Variants in PCCA observed in about 807,000 individuals in gnomAD.
PCCA encodes propionyl-CoA carboxylase alpha chain, mitochondrial.
In PCCA, 74 loss-of-function variants were observed where a neutral mutation model predicts 101.3. The observed-to-expected ratio is 0.73, with a 90% CI of 0.61 to 0.89. The LOEUF is 0.89. PCCA is among the 40% of genes least tolerant of loss of function. The probability of loss-of-function intolerance (pLI) is 0.00; values close to 1 mark genes in which losing one functional copy is unlikely to be tolerated. For missense variants in PCCA, 891 were observed against 907.0 expected, an observed-to-expected ratio of 0.98 and a Z score of 0.23; for synonymous variants, 294 against 313.6, an observed-to-expected ratio of 0.94 and a Z score of 0.66.
intron 6 of PCCA, among the ~76,000 whole-genome samples, chr13:100,182,635 T>C (rs752963019): frequency 9.2e-5 from 14 of 152,124 alleles, no homozygotes; most frequent in Non-Finnish European, 1.5e-4. Context: ...GAGTTTATGC[T>C]CCATTCTTTG....
At chr13:100,477,394 A>T (rs2083496493) in intron 21 of PCCA, 1 of 152,214 alleles carries the variant, frequency 6.6e-6, no homozygotes. Flanking sequence ...CAACTAAGTT[A>T]GATGTGGAGT....
intron 7 of PCCA, among the ~76,000 whole-genome samples, chr13:100,216,213 T>C (rs1566726379): frequency 1.3e-5 from 2 of 152,056 alleles, no homozygotes; most frequent in Non-Finnish European, 2.9e-5. Flanking sequence ...GGACAAGTCA[T>C]GTTGCTATCC....
chr13:100,280,104 GA>G (rs1358655808), intron 12 of PCCA, among the ~76,000 whole-genome samples: 3 of 150,980 alleles, frequency 2.0e-5, no homozygotes, highest in African/African-American at 7.3e-5. Flanking sequence ...TCTCCATAAA[GA>G]GATGCAACAC....
chr13:100,373,168 A>G (rs949470926), intron 19 of PCCA, among the ~76,000 whole-genome samples: 34 of 152,362 alleles, frequency 2.2e-4, no homozygotes, highest in African/African-American at 8.2e-4. Flanking sequence ...CGCATGGCCA[A>G]TAAGCACATG....
chr13:100,293,297 A>T (rs1301372906), intron 12 of PCCA: 1 of 468,818 alleles, frequency 2.1e-6, no homozygotes, highest in African/African-American at 2.0e-5. Flanking sequence ...TATACACTCT[A>T]ATCTCATCAG....
At chr13:100,222,560 T>C (rs2059885759) in intron 7 of PCCA, among the ~76,000 whole-genome samples, 1 of 152,216 alleles carries the variant, frequency 6.6e-6, no homozygotes, top group African/African-American at 2.4e-5. Flanking sequence ...AGATTACTTT[T>C]GAGAGTATCT....
At chr13:100,302,852 G>A (rs759776970) in intron 13 of PCCA, 72 bp from the exon 14 acceptor site, 18 of 858,746 alleles carry the variant, frequency 2.1e-5, no homozygotes, top group Non-Finnish European at 3.7e-5. Flanking sequence ...GTTCTTCATT[G>A]TGTAAATATT....
chr13:100,266,947 C>T lies in PCCA; in HGVS notation c.820-1742C>T, dbSNP rs536387888. Among the ~76,000 whole-genome samples the T allele has an allele frequency of 5.7e-4, 86 of 152,180 alleles. 1 individual carries two copies. The highest frequency in any genetic ancestry group is 2.0e-3 in the African/African-American group (81 of 41,514). ...CATGATGCATTTAAGGATTAACTTC[C>T]CTTAAAAGCAGTATTTATTTATAAT... On this transcript the variant is annotated intron_variant, in intron 10 of 23. Coordinates refer to ENST00000376285, the MANE Select transcript of PCCA (RefSeq NM_000282.4).
At chr13:100,228,447 T>C (rs1043791190) in intron 7 of PCCA, among the ~76,000 whole-genome samples, 3 of 152,196 alleles carry the variant, frequency 2.0e-5, no homozygotes, top group Admixed American at 2.0e-4. Flanking sequence ...CATATTTTCA[T>C]GTATTGTGTG....
chr13:100,113,129 G>A (rs1395662779), intron 4 of PCCA, among the ~76,000 whole-genome samples: 1 of 152,160 alleles, frequency 6.6e-6, no homozygotes, highest in African/African-American at 2.4e-5. Context: ...ATCACAGAAT[G>A]TACTTACACA....
chr13:100,485,002 G>A (rs994058017), intron 21 of PCCA, among the ~76,000 whole-genome samples: 5 of 152,032 alleles, frequency 3.3e-5, no homozygotes, highest in African/African-American at 7.2e-5. Flanking sequence ...TTTGTCTTCC[G>A]TTTCCACATT....
intron 22 of PCCA, among the ~76,000 whole-genome samples, chr13:100,524,115 C>G (rs1217640778): frequency 1.3e-5 from 2 of 152,206 alleles, no homozygotes; most frequent in Non-Finnish European, 2.9e-5. Flanking sequence ...GTCAGCGCTG[C>G]TGGGAGCAAG....
intron 19 of PCCA, among the ~76,000 whole-genome samples, chr13:100,402,875 A>C (rs1302963789): frequency 6.6e-6 from 1 of 152,230 alleles, no homozygotes; most frequent in African/African-American, 2.4e-5. Flanking sequence ...TAGTAGGACT[A>C]AAGTTTAGGA....
intron 17 of PCCA, among the ~76,000 whole-genome samples, chr13:100,335,651 T>C (rs1424901524): frequency 2.0e-5 from 3 of 152,096 alleles, no homozygotes; most frequent in African/African-American, 7.2e-5. Flanking sequence ...CTGCAGAGGA[T>C]AAAAACCAGG....
intron 9 of PCCA, among the ~76,000 whole-genome samples, chr13:100,260,238 T>G (rs1386527712): frequency 6.6e-6 from 1 of 152,170 alleles, no homozygotes; most frequent in Admixed American, 6.6e-5. Context: ...TTTATTCCCC[T>G]AAATCAACAA....
Position 100,338,667 on chromosome 13 carries a change from A to G in PCCA, c.1541-1490A>G, listed in dbSNP as rs375010806. On this transcript the variant is annotated intron_variant, in intron 17 of 23. Coordinates refer to ENST00000376285, the MANE Select transcript of PCCA (RefSeq NM_000282.4). The stretch of plus-strand genomic sequence containing the variant: ...TCAGGGGAAAATGAGGAACTTTCCA[A>G]TGCCCATAAGAGTATGGTTTATTAG... Among the ~76,000 whole-genome samples the G allele has an allele frequency of 2.0e-5, 3 of 149,832 alleles. No individual in the cohort carries two copies. In the East Asian group the frequency reaches 5.9e-4, roughly 29 times the overall value.
At position 100,509,709 on chromosome 13, in the gene PCCA, A is replaced by G. The variant is rs186625339; in HGVS notation, c.1900-5718A>G. 7.2e-5 allele frequency among the ~76,000 whole-genome samples: 11 copies of G among 152,360 alleles called. No homozygotes were observed. The East Asian group carries it at 2.1e-3, about 29-fold the overall frequency. ...GTGTTAAAATCGTTGTTTTAATGGT[A>G]GATGAAAATGATTCTGTTCTGTTGG... On this transcript the variant is annotated intron_variant, in intron 21 of 23. Transcript: ENST00000376285.
At position 100,103,357 on chromosome 13, in the gene PCCA, G is replaced by C. The variant is rs150339375; in HGVS notation, c.183+397G>C. ...GATGGAGTCATGCTCTATCACCCAG[G>C]CTGGAGTGCAGTGGTGTGATCTAGG... On this transcript the variant is annotated intron_variant, in intron 2 of 23. Coordinates refer to ENST00000376285, the MANE Select transcript of PCCA (RefSeq NM_000282.4). 4.9e-3 allele frequency among the ~76,000 whole-genome samples: 739 copies of C among 151,388 alleles called. 9 individuals carry two copies. Among genetic ancestry groups the C allele is most frequent in the African/African-American group, 0.017 (714 of 41,158 alleles).
chr13:100,199,473 C>T (rs1012012219), intron 6 of PCCA, among the ~76,000 whole-genome samples: 1 of 152,118 alleles, frequency 6.6e-6, no homozygotes, highest in Admixed American at 6.6e-5. Flanking sequence ...CAGAGTCTTA[C>T]CCCAGTCTTG....
Sources: gnomAD v4.1 joint callset for allele counts (sites outside exome capture counted in the v4.1 genomes callset) on GRCh38, gnomAD v4.1.1 for gene constraint, MANE v1.5 for transcripts, NCBI Gene and HGNC (gene_info 2026-07-23, HGNC 2026-07-21) for gene names.